ACSM3: variants seen among roughly 807,000 people sequenced by gnomAD.
ACSM3 encodes acyl-coenzyme A synthetase ACSM3, mitochondrial.
ACSM3 carries 61 observed loss-of-function variants against 74.1 expected under a neutral mutation model. The ratio of observed to expected loss-of-function variants is 0.82; its 90% CI spans 0.67 to 1.02. ACSM3 has a LOEUF of 1.02. Among genes scored for constraint, ACSM3 ranks in the 50% least tolerant of loss-of-function variants. The pLI is 0.00. For missense variants in ACSM3, 660 were observed against 697.0 expected (o/e 0.95, Z 0.60); for synonymous variants, 213 against 241.5 (o/e 0.88, Z 1.09).
At chr16:20,707,016 C>T (rs111707835) in intron 1 of ACSM3, among the ~76,000 whole-genome samples, 2,529 of 152,242 alleles carry the variant, frequency 0.017, 37 homozygotes, top group Non-Finnish European at 0.024. Flanking sequence ...CCATCTATGC[C>T]ACTGGGACAG....
intron 2 of ACSM3, among the ~76,000 whole-genome samples, chr16:20,771,303 C>T (rs779543975): frequency 2.0e-5 from 3 of 151,902 alleles, no homozygotes; most frequent in East Asian, 1.9e-4. Flanking sequence ...TCAAGTGATC[C>T]GCCCACCTTG....
At chr16:20,682,312 C>A (rs762058211) in intron 1 of ACSM3, 3 of 1,613,896 alleles carry the variant, frequency 1.9e-6, no homozygotes, top group South Asian at 2.2e-5. Flanking sequence ...ACACCAGGAG[C>A]TTGGTTTTCA....
chr16:20,797,479 T>C lies in ACSM3; in HGVS notation c.*507T>C. ...TATTAGTCACATTTTTTGCAAATAA[T>C]TTAAAAATAGTTTAGACTTGTTTCA... On this transcript the variant is annotated 3_prime_UTR_variant, in exon 14 of 14. Transcript: ENST00000289416. 5 of 1,092,058 alleles carry C rather than the reference T, an allele frequency of 4.6e-6. No individual in the cohort carries two copies. The highest frequency in any genetic ancestry group is 4.0e-4 in the Middle Eastern group (1 of 2,484). 67.6% of individuals were successfully genotyped at this position (1,092,058 alleles called of 1,614,324 possible). A position where few individuals can be genotyped will look rare whatever the true frequency, so the allele number is the denominator to read the frequency against.
At chr16:20,793,319 A>C (rs1462670983) in intron 12 of ACSM3, among the ~76,000 whole-genome samples, 2 of 152,060 alleles carry the variant, frequency 1.3e-5, no homozygotes, top group Non-Finnish European at 2.9e-5. Context: ...AAATACAAAA[A>C]TTAGCCAGGC....
At chr16:20,775,385 G>A (rs2080243265) in intron 2 of ACSM3, among the ~76,000 whole-genome samples, 1 of 152,052 alleles carries the variant, frequency 6.6e-6, no homozygotes, top group Admixed American at 6.5e-5. Flanking sequence ...AGGGCTGAGG[G>A]GCTCTCCTGT....
At chr16:20,743,066 G>A (rs2079942434) in intron 1 of ACSM3, among the ~76,000 whole-genome samples, 1 of 151,040 alleles carries the variant, frequency 6.6e-6, no homozygotes, top group African/African-American at 2.4e-5. Context: ...TCCCTCCCGA[G>A]TAGCTGGGAC....
intron 3 of ACSM3, among the ~76,000 whole-genome samples, chr16:20,776,350 T>TG (rs2080255466): frequency 6.6e-6 from 1 of 152,190 alleles, no homozygotes; most frequent in African/African-American, 2.4e-5. Flanking sequence ...AGAACCCTGA[T>TG]GGAGAGGCCT....
intron 1 of ACSM3, chr16:20,735,789 G>C (rs928298242): frequency 6.6e-6 from 1 of 152,210 alleles, no homozygotes; most frequent in African/African-American, 2.4e-5. Context: ...CTACTTTTCA[G>C]TTAATGACAC....
chr16:20,761,133 CGCCCAGGCTGGAGT>C (rs982285996), upstream of ACSM3, among the ~76,000 whole-genome samples: 8 of 151,634 alleles, frequency 5.3e-5, no homozygotes, highest in East Asian at 3.9e-4. Flanking sequence ...CTCACTCTGT[CGCCCAGGCTGGAGT>C]GCCCAGGCTG....
chr16:20,732,756 A>C (rs1260015574), intron 1 of ACSM3, among the ~76,000 whole-genome samples: 4 of 152,192 alleles, frequency 2.6e-5, no homozygotes, highest in Non-Finnish European at 4.4e-5. Flanking sequence ...CAAACAGAAC[A>C]GTTTCTGGTG....
intron 1 of ACSM3, chr16:20,737,631 C>A: frequency 4.8e-6 from 7 of 1,456,890 alleles, no homozygotes; most frequent in Non-Finnish European, 6.4e-6. Context: ...AGCCTTAAAT[C>A]TTTAAAAAGA....
chr16:20,785,204 A>T, intron 8 of ACSM3, 97 bp downstream of exon 8: 1 of 1,499,432 alleles, frequency 6.7e-7, no homozygotes, highest in South Asian at 1.2e-5. Context: ...TTTGAGGGAT[A>T]GGAGTTGAGT....
At chr16:20,776,743 A>G (rs766116097) in intron 3 of ACSM3, among the ~76,000 whole-genome samples, 1 of 152,238 alleles carries the variant, frequency 6.6e-6, no homozygotes, top group Non-Finnish European at 1.5e-5. Context: ...AGTCCCAGCT[A>G]TAAGAGTGTC....
intron 1 of ACSM3, among the ~76,000 whole-genome samples, chr16:20,687,812 G>A (rs932746181): frequency 7.2e-5 from 11 of 152,050 alleles, no homozygotes; most frequent in Non-Finnish European, 1.5e-4. Context: ...GGCCAGGCAC[G>A]GTGGCTCATG....
rs770579315 is a variant in ACSM3, at chr16:20,790,983, CA to C, written c.1326+299del. 7 of 1,569,968 alleles carry C rather than the reference CA, an allele frequency of 4.5e-6. 1 individual carries two copies. In the South Asian group the frequency reaches 7.9e-5, roughly 18 times the overall value. On this transcript the variant is annotated intron_variant, in intron 10 of 13. Transcript: ENST00000289416. This position sits in a 1 kb window ranked among gnomAD's most constrained non-coding sequence, Gnocchi z 4.0. ...TCCCCTGATCCTCTCAATTATCAAA[CA>C]AAACCCACTCATTTTCCTGAAATCC...
chr16:20,733,188 C>A (rs2079841538), intron 1 of ACSM3, among the ~76,000 whole-genome samples: 1 of 152,004 alleles, frequency 6.6e-6, no homozygotes, highest in African/African-American at 2.4e-5. Flanking sequence ...ACCAAACTGA[C>A]AAAGGTAATG....
At chr16:20,698,200 A>G (rs1319814536) in intron 1 of ACSM3, among the ~76,000 whole-genome samples, 3 of 151,746 alleles carry the variant, frequency 2.0e-5, no homozygotes, top group East Asian at 1.9e-4. Context: ...AAAAAAAAAA[A>G]AAAAAAGAAA....
chr16:20,676,700 C>T (rs906967546), intron 1 of ACSM3, among the ~76,000 whole-genome samples: 2 of 152,092 alleles, frequency 1.3e-5, no homozygotes, highest in East Asian at 1.9e-4. Context: ...GAGGCATGGT[C>T]GTGGGCGTGA....
intron 1 of ACSM3, among the ~76,000 whole-genome samples, chr16:20,696,276 T>G (rs2152347101): frequency 6.6e-6 from 1 of 152,366 alleles, no homozygotes; most frequent in South Asian, 2.1e-4. Flanking sequence ...ACTATCTCTG[T>G]CTCTATCTCT....
Sources: allele counts gnomAD v4.1 joint callset (sites outside exome capture counted in the v4.1 genomes callset), GRCh38; gene constraint gnomAD v4.1.1; non-coding constraint Gnocchi (gnomAD v3.1); transcripts MANE v1.5; gene names NCBI Gene and HGNC (gene_info 2026-07-23, HGNC 2026-07-21).